Variants in PREX2 observed in about 807,000 individuals in gnomAD.
The protein encoded by PREX2 is phosphatidylinositol 3,4,5-trisphosphate-dependent Rac exchanger 2 protein.
Under a neutral mutation model 203.2 loss-of-function variants are expected in PREX2, and 107 were observed. The observed-to-expected ratio is 0.53, with a 90% CI of 0.45 to 0.62. The LOEUF (loss-of-function observed/expected upper bound fraction) is 0.62, where lower values mean the gene tolerates loss of function less well. Ranked by LOEUF, PREX2 falls within the 20% of genes least tolerant of loss-of-function variation. The pLI is 0.00. For missense variants in PREX2, 1,777 were observed against 1,955.9 expected (o/e 0.91, Z 1.72); for synonymous variants, 672 against 663.6 (o/e 1.01, Z -0.19).
chr8:68,099,619 T>A, intron 22 of PREX2, 63 bp from the exon 23 acceptor site: 1 of 1,461,848 alleles, frequency 6.8e-7, no homozygotes, highest in Non-Finnish European at 9.3e-7. Flanking sequence ...GTTTTGTTTT[T>A]CTATGTGTGT....
chr8:68,086,548 A>C (rs1337024340), intron 18 of PREX2, among the ~76,000 whole-genome samples: 1 of 152,034 alleles, frequency 6.6e-6, no homozygotes, highest in Non-Finnish European at 1.5e-5. Context: ...CGTTGTATTC[A>C]TTTGTTTTTG....
chr8:68,125,685 A>C lies in PREX2; in HGVS notation c.3725-1693A>C, dbSNP rs530437574. On this transcript the variant is annotated intron_variant, in intron 30 of 39. Coordinates refer to ENST00000288368, the MANE Select transcript of PREX2 (RefSeq NM_024870.4). ...ATTTGAGTAGCCCACCATCACCTTA[A>C]ATTCAGATGTTTATTAGTGAACACA... is the stretch of plus-strand genomic sequence containing the variant. 1.1e-3 allele frequency among the ~76,000 whole-genome samples: 166 copies of C among 152,226 alleles called. 1 individual carries two copies. The highest frequency in any genetic ancestry group is 2.1e-3 in the Non-Finnish European group (140 of 67,980).
intron 1 of PREX2, among the ~76,000 whole-genome samples, chr8:68,000,767 C>A (rs909684887): frequency 1.3e-5 from 2 of 152,016 alleles, no homozygotes; most frequent in African/African-American, 4.8e-5. Flanking sequence ...ACCAATGGAA[C>A]AGAATAAAGA....
At chr8:68,127,857 G>A (rs1467743953) in intron 31 of PREX2, among the ~76,000 whole-genome samples, 2 of 152,060 alleles carry the variant, frequency 1.3e-5, no homozygotes, top group Non-Finnish European at 2.9e-5. Flanking sequence ...AATGGAAAAT[G>A]ACACTAAAGG....
chr8:67,975,694 C>CTTTTTTTTTTTTTTTTTTTTTT lies in PREX2; in HGVS notation c.141+23165_141+23186dup, dbSNP rs67614434. ...TCAGGATAGTAACTGATTTCTCTTT[C>CTTTTTTTTTTTTTTTTTTTTTT]TTTTTTTTTTTTTTTTTTTTTTTTT... On this transcript the variant is annotated intron_variant, in intron 1 of 39. Coordinates refer to ENST00000288368, the MANE Select transcript of PREX2 (RefSeq NM_024870.4). Among the ~76,000 whole-genome samples, 3 of 75,016 alleles carry CTTTTTTTTTTTTTTTTTTTTTT rather than the reference C, an allele frequency of 4.0e-5. 1 individual carries two copies. Among genetic ancestry groups the CTTTTTTTTTTTTTTTTTTTTTT allele is most frequent in the African/African-American group, 1.2e-4 (2 of 16,860 alleles). The allele number at this position is 75,016 out of a possible 152,430, so 49.2% of individuals were successfully genotyped here.
intron 35 of PREX2, among the ~76,000 whole-genome samples, chr8:68,168,781 G>C (rs971097814): frequency 2.0e-5 from 3 of 152,174 alleles, no homozygotes; most frequent in Non-Finnish European, 2.9e-5. Context: ...CTTACTGCCT[G>C]TGTTAAAAAG....
intron 4 of PREX2, 125 bp downstream of exon 4, chr8:68,022,265 A>G (rs1204452844): frequency 4.6e-5 from 27 of 590,402 alleles, no homozygotes; most frequent in Non-Finnish European, 3.1e-5. Context: ...CCAGGCGAGG[A>G]AGCAAGAGTC....
At chr8:68,192,288 T>G (rs765037754) in intron 36 of PREX2, 47 bp from the exon 37 acceptor site, 1 of 1,470,432 alleles carries the variant, frequency 6.8e-7, no homozygotes, top group Non-Finnish European at 9.2e-7. Flanking sequence ...TCTAAAAGAA[T>G]TTTACTAAAC....
Position 68,108,351 on chromosome 8 carries a change from T to G in PREX2, c.2938+20T>G, listed in dbSNP as rs767656555. 64 of 1,584,098 alleles carry G rather than the reference T, an allele frequency of 4.0e-5. No individual in the cohort carries two copies. The highest frequency in any genetic ancestry group is 5.5e-5 in the Non-Finnish European group (63 of 1,155,670). On this transcript the variant is annotated intron_variant, in intron 24 of 39. Coordinates refer to ENST00000288368, the MANE Select transcript of PREX2 (RefSeq NM_024870.4). ...AGCAAGGTATGCTAGCTTTTGCAAC[T>G]TTATCAAATCATGAAAAGCAATTTA... is the stretch of plus-strand genomic sequence containing the variant.
At chr8:68,120,351 A>G in intron 29 of PREX2, 65 bp downstream of exon 29, 6 of 1,089,514 alleles carry the variant, frequency 5.5e-6, no homozygotes, top group Non-Finnish European at 7.1e-6. Flanking sequence ...CAATATAGTC[A>G]TGAAGCAAGC....
At chr8:68,014,876 T>C (rs1807369508) in intron 1 of PREX2, among the ~76,000 whole-genome samples, 1 of 152,172 alleles carries the variant, frequency 6.6e-6, no homozygotes, top group East Asian at 1.9e-4. Context: ...CCTAAATTAA[T>C]CTGCTGAGTC....
chr8:68,171,987 G>C (rs1811886580), intron 35 of PREX2, among the ~76,000 whole-genome samples: 1 of 152,092 alleles, frequency 6.6e-6, no homozygotes, highest in Non-Finnish European at 1.5e-5. Flanking sequence ...CTCTATAGCA[G>C]TTTTATTTTT....
At chr8:68,109,195 G>A (rs1810482262) in intron 24 of PREX2, among the ~76,000 whole-genome samples, 1 of 152,092 alleles carries the variant, frequency 6.6e-6, no homozygotes, top group African/African-American at 2.4e-5. Flanking sequence ...TGGGTATAAA[G>A]TGCTCTCAGC....
At chr8:68,030,897 G>T (rs1447093972) in intron 6 of PREX2, among the ~76,000 whole-genome samples, 1 of 152,032 alleles carries the variant, frequency 6.6e-6, no homozygotes, top group African/African-American at 2.4e-5. Flanking sequence ...ATACTATGTG[G>T]GCTATAAGCT....
At chr8:68,203,157 C>T (rs370040134) in intron 37 of PREX2, among the ~76,000 whole-genome samples, 173 of 152,246 alleles carry the variant, frequency 1.1e-3, no homozygotes, top group Non-Finnish European at 2.0e-3. Flanking sequence ...CTCAGCAGAA[C>T]GGGCTCAGTG....
At chr8:68,215,307 C>G (rs1404311624) in intron 37 of PREX2, among the ~76,000 whole-genome samples, 1 of 152,118 alleles carries the variant, frequency 6.6e-6, no homozygotes, top group Non-Finnish European at 1.5e-5. Context: ...AGAGATAAAG[C>G]AAGTTCTGCT....
rs181023117 is a variant in PREX2, at chr8:67,989,673, G to A, written c.142-28173G>A. 5.1e-3 allele frequency among the ~76,000 whole-genome samples: 773 copies of A among 152,244 alleles called. 7 individuals are homozygous for A. Among genetic ancestry groups the A allele is most frequent in the Admixed American group, 0.012 (184 of 15,284 alleles). On this transcript the variant is annotated intron_variant, in intron 1 of 39. Coordinates refer to ENST00000288368, the MANE Select transcript of PREX2 (RefSeq NM_024870.4). ...CGATTTAAAGTTGTCTCAGTATTAC[G>A]TAAAAATAGCTTTGTTATTCTTTAA... is the stretch of plus-strand genomic sequence containing the variant.
chr8:68,200,983 T>G (rs946381580), intron 37 of PREX2, among the ~76,000 whole-genome samples: 3 of 152,188 alleles, frequency 2.0e-5, no homozygotes, highest in Non-Finnish European at 4.4e-5. Flanking sequence ...TTTACATTAC[T>G]ACATTTTATT....
chr8:68,053,725 T>G (rs926465212), intron 9 of PREX2, among the ~76,000 whole-genome samples: 1 of 152,180 alleles, frequency 6.6e-6, no homozygotes, highest in Non-Finnish European at 1.5e-5. Flanking sequence ...TATGTTAGCT[T>G]CCTAATTATA....
Sources: gnomAD v4.1 joint callset for allele counts (sites outside exome capture counted in the v4.1 genomes callset) on GRCh38, gnomAD v4.1.1 for gene constraint, MANE v1.5 for transcripts, NCBI Gene and HGNC (gene_info 2026-07-23, HGNC 2026-07-21) for gene names.